Variants in AEBP2 observed in about 807,000 individuals in gnomAD.
AEBP2 encodes zinc finger protein AEBP2.
AEBP2 carries 10 observed loss-of-function variants against 50.8 expected under a neutral mutation model. That is an observed-to-expected ratio of 0.20 (90% CI 0.12 to 0.33). AEBP2 has a LOEUF of 0.33. AEBP2 is among the 10% of genes least tolerant of loss of function. The probability of loss-of-function intolerance (pLI) is 1.00; values close to 1 mark genes in which losing one functional copy is unlikely to be tolerated. For missense variants in AEBP2, 570 were observed against 688.0 expected (o/e 0.83, Z 1.92); for synonymous variants, 296 against 261.3 (o/e 1.13, Z -1.28).
chr12:19,514,824 G>A, intron 7 of AEBP2, 40 bp downstream of exon 7: 2 of 1,483,710 alleles, frequency 1.3e-6, no homozygotes, highest in Non-Finnish European at 1.8e-6. Context: ...TTTTTGATTT[G>A]TAATTTTCTC....
At chr12:19,505,834 G>C (rs1592779031) in intron 5 of AEBP2, among the ~76,000 whole-genome samples, 2 of 152,116 alleles carry the variant, frequency 1.3e-5, no homozygotes, top group Non-Finnish European at 2.9e-5. Context: ...GAAATGTGGT[G>C]GTATCATCAT....
chr12:19,490,295 A>G (rs962395806), intron 3 of AEBP2, among the ~76,000 whole-genome samples: 2 of 152,182 alleles, frequency 1.3e-5, no homozygotes, highest in South Asian at 2.1e-4. Flanking sequence ...GAAGTTACCT[A>G]TATCTAATAG....
chr12:19,495,107 T>G (rs1347676905), intron 4 of AEBP2, among the ~76,000 whole-genome samples: 1 of 152,110 alleles, frequency 6.6e-6, no homozygotes, highest in African/African-American at 2.4e-5. Flanking sequence ...GGTTTCGCCA[T>G]GTGGCCAGGC....
chr12:19,426,461 T>C (rs1178459426), intron 1 of AEBP2, among the ~76,000 whole-genome samples: 2 of 152,170 alleles, frequency 1.3e-5, no homozygotes, highest in Non-Finnish European at 2.9e-5. Flanking sequence ...TAAATATGCT[T>C]AGGTTAATTA....
intron 1 of AEBP2, among the ~76,000 whole-genome samples, chr12:19,444,952 T>G (rs917559763): frequency 6.6e-6 from 1 of 152,126 alleles, no homozygotes; most frequent in African/African-American, 2.4e-5. Flanking sequence ...TGGAGTGCAG[T>G]GGCGCGATCT....
chr12:19,483,444 C>T (rs1036017973), intron 3 of AEBP2, among the ~76,000 whole-genome samples: 2 of 152,068 alleles, frequency 1.3e-5, no homozygotes, highest in East Asian at 1.9e-4. Context: ...ACCTGTCTCA[C>T]GGAATTTGCA....
intron 1 of AEBP2, among the ~76,000 whole-genome samples, chr12:19,425,515 C>G (rs1352247841): frequency 6.6e-6 from 1 of 152,046 alleles, no homozygotes; most frequent in Non-Finnish European, 1.5e-5. Context: ...GCTGTAATCC[C>G]AGCACTTTGG....
At chr12:19,478,460 C>T (rs1239381209) in intron 3 of AEBP2, among the ~76,000 whole-genome samples, 1 of 152,052 alleles carries the variant, frequency 6.6e-6, no homozygotes, top group Non-Finnish European at 1.5e-5. Context: ...CCACACCCAG[C>T]TAAGTTTTGT....
At chr12:19,501,371 A>C (rs1299992490) in intron 5 of AEBP2, among the ~76,000 whole-genome samples, 1 of 151,556 alleles carries the variant, frequency 6.6e-6, no homozygotes, top group Non-Finnish European at 1.5e-5. Context: ...TTCATGGCTC[A>C]CACCTATAAT....
chr12:19,428,243 TAA>T lies in AEBP2; in HGVS notation c.-17+24030_-17+24031del, dbSNP rs892264588. Reference sequence around the variant, plus strand: ...AAACCAAGACCCTGTCTCAAAAAAATAAAAGAGACAAACTGGATAAAAGATTT... The same window carrying T: ...AAACCAAGACCCTGTCTCAAAAAAATAAGAGACAAACTGGATAAAAGATTT... On this transcript the variant is annotated intron_variant, in intron 1 of 3. Transcript: ENST00000538425. Among the ~76,000 whole-genome samples, 6 of 151,976 alleles carry T rather than the reference TAA, an allele frequency of 3.9e-5. No homozygotes were observed. The East Asian group carries it at 9.7e-4, about 25-fold the overall frequency.
intron 1 of AEBP2, among the ~76,000 whole-genome samples, chr12:19,429,970 A>C (rs1228738124): frequency 1.3e-5 from 2 of 152,202 alleles, no homozygotes; most frequent in Middle Eastern, 3.4e-3. Context: ...TGCAGAAGCT[A>C]TTTAGTTGAA....
intron 1 of AEBP2, among the ~76,000 whole-genome samples, chr12:19,453,912 C>A (rs564566535): frequency 3.3e-5 from 5 of 152,084 alleles, no homozygotes; most frequent in Admixed American, 6.6e-5. Context: ...TTCTCCCCCC[C>A]TCGGCCTCCC....
chr12:19,510,558 T>C (rs1279818463), intron 5 of AEBP2, among the ~76,000 whole-genome samples: 1 of 152,180 alleles, frequency 6.6e-6, no homozygotes, highest in East Asian at 1.9e-4. Flanking sequence ...AATCAAAAAA[T>C]GAAGCGTACG....
intron 3 of AEBP2, among the ~76,000 whole-genome samples, chr12:19,482,680 G>A (rs1948747728): frequency 6.6e-6 from 1 of 152,158 alleles, no homozygotes; most frequent in Non-Finnish European, 1.5e-5. Flanking sequence ...TGCTAAAGGG[G>A]CAGGTAGAGA....
At position 19,520,595 on chromosome 12, in the gene AEBP2, C is replaced by T. The variant is rs1252229834; in HGVS notation, c.*2478C>T. The T allele has an allele frequency of 6.6e-6, 1 of 152,102 alleles. No homozygotes were observed. Among genetic ancestry groups the T allele is most frequent in the South Asian group, 2.1e-4 (1 of 4,832 alleles). The allele number at this position is 152,102 out of a possible 1,614,324, so 9.4% of individuals were successfully genotyped here. A position where few individuals can be genotyped will look rare whatever the true frequency, so the allele number is the denominator to read the frequency against. On this transcript the variant is annotated 3_prime_UTR_variant, in exon 8 of 8. Coordinates refer to ENST00000266508, the MANE Select transcript of AEBP2 (RefSeq NM_153207.5). The stretch of plus-strand genomic sequence containing the variant: ...ATGTCTGCCCATCTGTATTGTTGCT[C>T]CTACCTTCAAATATGACACCTGAAA...
intron 2 of AEBP2, among the ~76,000 whole-genome samples, chr12:19,464,029 G>C (rs2153370545): frequency 1.3e-5 from 2 of 152,178 alleles, no homozygotes; most frequent in South Asian, 4.1e-4. Context: ...GCAGTTTTTT[G>C]ATTACTCAAA....
rs946271396 is a variant in AEBP2, at chr12:19,447,578, A to T, written c.671+7208A>T. Among the ~76,000 whole-genome samples, 8 of 152,350 alleles carry T rather than the reference A, an allele frequency of 5.3e-5. No individual in the cohort carries two copies. In the South Asian group the frequency reaches 1.7e-3, roughly 32 times the overall value. ...AACATTGAGTAGTGAAAGAGCATGG[A>T]CGTAATCTAACTTCTCAGAAGTTGC... On this transcript the variant is annotated intron_variant, in intron 1 of 7. Coordinates refer to ENST00000266508, the MANE Select transcript of AEBP2 (RefSeq NM_153207.5).
chr12:19,464,375 G>C (rs1381719580), intron 2 of AEBP2, among the ~76,000 whole-genome samples: 2 of 152,002 alleles, frequency 1.3e-5, no homozygotes, highest in Non-Finnish European at 2.9e-5. Flanking sequence ...ACTTGACTTA[G>C]CAACTGTGTA....
intron 2 of AEBP2, among the ~76,000 whole-genome samples, chr12:19,470,026 T>C (rs1364577495): frequency 6.6e-6 from 1 of 152,212 alleles, no homozygotes; most frequent in East Asian, 1.9e-4. Flanking sequence ...ATATTATACG[T>C]CTAAAAAGTC....
Sources: allele counts gnomAD v4.1 joint callset (sites outside exome capture counted in the v4.1 genomes callset), GRCh38; gene constraint gnomAD v4.1.1; transcripts MANE v1.5; gene names NCBI Gene and HGNC (gene_info 2026-07-23, HGNC 2026-07-21).